XKR4: variants seen among roughly 807,000 people sequenced by gnomAD.
XKR4 encodes the protein XK related 4, also known as XK-related protein 4.
In XKR4, 12 loss-of-function variants were observed where a neutral mutation model predicts 53.9. The ratio of observed to expected loss-of-function variants is 0.22; its 90% CI spans 0.14 to 0.36. XKR4 has a LOEUF of 0.36. Ranked by LOEUF, XKR4 falls within the 10% of genes least tolerant of loss-of-function variation. The pLI is 1.00. For missense variants in XKR4, 799 were observed against 859.5 expected (o/e 0.93, Z 0.88); for synonymous variants, 354 against 362.4 (o/e 0.98, Z 0.26).
At chr8:55,441,714 C>T (rs1423306393) in intron 2 of XKR4, among the ~76,000 whole-genome samples, 1 of 152,032 alleles carries the variant, frequency 6.6e-6, no homozygotes, top group Non-Finnish European at 1.5e-5. Flanking sequence ...ACTTAATAAG[C>T]ATTGGTCAGT....
rs1816045543 is a variant in XKR4, at chr8:55,102,033, C to T, written c.-456C>T. ...GGAAGAGAAGGGATGAGGTCATCCT[C>T]TCCCTCGGAGTCAGCTGGTGGAGGA... On this transcript the variant is annotated 5_prime_UTR_variant, in exon 1 of 3. Coordinates refer to ENST00000327381, the MANE Select transcript of XKR4 (RefSeq NM_052898.2). The surrounding 1 kb of genome is among the most constrained non-coding windows in gnomAD (Gnocchi z 5.1). 6.6e-6 allele frequency among the ~76,000 whole-genome samples: 1 copy of T among 152,220 alleles called. No individual in the cohort carries two copies. The highest frequency in any genetic ancestry group is 1.5e-5 in the Non-Finnish European group (1 of 67,992).
At chr8:55,254,297 C>T (rs962206782) in intron 1 of XKR4, among the ~76,000 whole-genome samples, 1 of 151,978 alleles carries the variant, frequency 6.6e-6, no homozygotes, top group South Asian at 2.1e-4. Context: ...TGAGAATGGA[C>T]CTGAACACAT....
At chr8:55,178,835 GC>G (rs1817268729) in intron 1 of XKR4, among the ~76,000 whole-genome samples, 1 of 152,138 alleles carries the variant, frequency 6.6e-6, no homozygotes, top group Non-Finnish European at 1.5e-5. Flanking sequence ...GTCCTATCTT[GC>G]TTCCTACTGT....
At chr8:55,153,824 C>T (rs1297800005) in intron 1 of XKR4, among the ~76,000 whole-genome samples, 3 of 151,134 alleles carry the variant, frequency 2.0e-5, no homozygotes, top group African/African-American at 7.4e-5. Context: ...TTTCTTGATA[C>T]TATGCGAATC....
chr8:55,155,627 G>T (rs1170544684), intron 1 of XKR4, among the ~76,000 whole-genome samples: 1 of 129,688 alleles, frequency 7.7e-6, no homozygotes, highest in Admixed American at 7.4e-5. Flanking sequence ...AAAGATAAAG[G>T]CATTAAGAGA....
chr8:55,501,149 A>T (rs1225232740), intron 2 of XKR4, among the ~76,000 whole-genome samples: 1 of 152,178 alleles, frequency 6.6e-6, no homozygotes, highest in Non-Finnish European at 1.5e-5. Flanking sequence ...TTTTTAAAAA[A>T]CTTTATAGAA....
intron 2 of XKR4, among the ~76,000 whole-genome samples, chr8:55,499,029 T>G (rs548419705): frequency 5.9e-4 from 90 of 152,338 alleles, no homozygotes; most frequent in African/African-American, 2.1e-3. Context: ...CTGCTGACAT[T>G]TCAATCAAAC....
intron 2 of XKR4, among the ~76,000 whole-genome samples, chr8:55,373,583 G>A (rs952219406): frequency 2.0e-5 from 3 of 152,166 alleles, no homozygotes; most frequent in Admixed American, 6.5e-5. Context: ...CCAGCATAGA[G>A]CCTTCAATGA....
chr8:55,331,313 A>G (rs1327010280), intron 1 of XKR4, among the ~76,000 whole-genome samples: 1 of 152,160 alleles, frequency 6.6e-6, no homozygotes, highest in Non-Finnish European at 1.5e-5. Flanking sequence ...TGATTAGAAA[A>G]GATGCTTTGT....
chr8:55,248,661 C>T (rs1007333284), intron 1 of XKR4, among the ~76,000 whole-genome samples: 1 of 152,110 alleles, frequency 6.6e-6, no homozygotes, highest in African/African-American at 2.4e-5. Context: ...TTTCATAGGG[C>T]CACATGAATG....
intron 1 of XKR4, among the ~76,000 whole-genome samples, chr8:55,118,537 A>C (rs1211149102): frequency 6.6e-6 from 1 of 152,358 alleles, no homozygotes; most frequent in South Asian, 2.1e-4. Flanking sequence ...ACAGTCCAGC[A>C]TAGGCAAGTG....
intron 2 of XKR4, among the ~76,000 whole-genome samples, chr8:55,496,765 G>C (rs994794310): frequency 6.6e-6 from 1 of 152,128 alleles, no homozygotes; most frequent in African/African-American, 2.4e-5. Context: ...TCTAATTCTG[G>C]TTGAGGTGAG....
In XKR4 at chr8:55,448,726, G is replaced by A. The variant is rs557954817; in HGVS notation, c.1007-74555G>A. On this transcript the variant is annotated intron_variant, in intron 2 of 2. Coordinates refer to ENST00000327381, the MANE Select transcript of XKR4 (RefSeq NM_052898.2). ...CTGCATAACAATAATCAACTAAAAT[G>A]CAGTAGTCAACCTGGTAGGCTGAAG... Among the ~76,000 whole-genome samples, 4 of 152,250 alleles carry A rather than the reference G, an allele frequency of 2.6e-5. No homozygotes were observed. The East Asian group carries it at 7.7e-4, about 29-fold the overall frequency.
At chr8:55,251,762 G>T (rs1408681907) in intron 1 of XKR4, among the ~76,000 whole-genome samples, 5 of 152,184 alleles carry the variant, frequency 3.3e-5, no homozygotes, top group Non-Finnish European at 5.9e-5. Context: ...ATACAGTAAT[G>T]AGATAGCATT....
intron 1 of XKR4, among the ~76,000 whole-genome samples, chr8:55,205,382 T>G (rs193192569): frequency 5.3e-5 from 8 of 152,210 alleles, no homozygotes; most frequent in Non-Finnish European, 1.0e-4. Context: ...AGACTCAAAT[T>G]TAGAGGCAGA....
chr8:55,377,481 A>G (rs1402668958), intron 2 of XKR4, among the ~76,000 whole-genome samples: 2 of 152,236 alleles, frequency 1.3e-5, no homozygotes, highest in African/African-American at 4.8e-5. Flanking sequence ...TATCTACCTT[A>G]CAGCCAAGGC....
At chr8:55,120,611 G>A (rs760784087) in intron 1 of XKR4, among the ~76,000 whole-genome samples, 1 of 151,664 alleles carries the variant, frequency 6.6e-6, no homozygotes, top group African/African-American at 2.4e-5. Context: ...GGAAAGTACC[G>A]AAAGTTCCCA....
intron 1 of XKR4, among the ~76,000 whole-genome samples, chr8:55,263,377 C>T (rs1483677312): frequency 3.3e-5 from 5 of 152,172 alleles, no homozygotes; most frequent in Non-Finnish European, 7.3e-5. Context: ...GTCCTAAGTG[C>T]ACCCCATGTT....
intron 2 of XKR4, among the ~76,000 whole-genome samples, chr8:55,459,688 TA>T (rs1563356539): frequency 6.6e-6 from 1 of 152,070 alleles, no homozygotes; most frequent in South Asian, 2.1e-4. Context: ...GAAAAGATAC[TA>T]AACATCTTTT....
Sources: allele counts gnomAD v4.1 joint callset (sites outside exome capture counted in the v4.1 genomes callset), GRCh38; gene constraint gnomAD v4.1.1; non-coding constraint Gnocchi (gnomAD v3.1); transcripts MANE v1.5; gene names NCBI Gene and HGNC (gene_info 2026-07-23, HGNC 2026-07-21).